Variants in MECOM observed in about 807,000 individuals in gnomAD.
MECOM encodes the protein histone-lysine N-methyltransferase MECOM.
In MECOM, 13 loss-of-function variants were observed where a neutral mutation model predicts 116.3. The observed-to-expected ratio is 0.11, with a 90% CI of 0.07 to 0.18. The LOEUF is 0.18. Among genes scored for constraint, MECOM ranks in the 10% least tolerant of loss-of-function variants. The probability of loss-of-function intolerance (pLI) is 1.00; values close to 1 mark genes in which losing one functional copy is unlikely to be tolerated. For missense variants in MECOM, 1,299 were observed against 1,509.0 expected (o/e 0.86, Z 2.31); for synonymous variants, 528 against 535.2 (o/e 0.99, Z 0.19).
chr3:169,369,167 A>G (rs1429409281), intron 2 of MECOM, among the ~76,000 whole-genome samples: 1 of 151,912 alleles, frequency 6.6e-6, no homozygotes, highest in African/African-American at 2.4e-5. Context: ...GACATCTTTC[A>G]TAGAAGAAAG....
At chr3:169,307,105 G>T (rs1717860538) in intron 2 of MECOM, among the ~76,000 whole-genome samples, 1 of 152,102 alleles carries the variant, frequency 6.6e-6, no homozygotes, top group Admixed American at 6.5e-5. Flanking sequence ...ATATCATTGG[G>T]CATGGTTCCA....
At chr3:169,384,842 C>A (rs1412897380) in intron 1 of MECOM, among the ~76,000 whole-genome samples, 1 of 152,084 alleles carries the variant, frequency 6.6e-6, no homozygotes, top group Admixed American at 6.5e-5. Flanking sequence ...GTGGCTCCAG[C>A]CTGTAACCCT....
Position 169,093,116 on chromosome 3 carries a change from A to G in MECOM, c.3020-14T>C, listed in dbSNP as rs375983675. 20 of 1,574,142 alleles carry G rather than the reference A, an allele frequency of 1.3e-5. No homozygotes were observed. The highest frequency in any genetic ancestry group is 1.4e-5 in the African/African-American group (1 of 72,660). ...ATGTTGCTGTACCTGTGTGGAGCAGAAAGCCTTTTATGACAAAGATTATTG... is the reference window on the plus strand; with the variant it reads ...ATGTTGCTGTACCTGTGTGGAGCAGGAAGCCTTTTATGACAAAGATTATTG... On this transcript the variant is annotated splice_polypyrimidine_tract_variant and intron_variant, in intron 13 of 16. Transcript: ENST00000651503.
intron 1 of MECOM, among the ~76,000 whole-genome samples, chr3:169,631,741 C>T (rs955081928): frequency 6.6e-6 from 1 of 151,110 alleles, no homozygotes; most frequent in African/African-American, 2.4e-5. Context: ...GATAGTTTAC[C>T]GAGAATGATG....
intron 1 of MECOM, among the ~76,000 whole-genome samples, chr3:169,457,473 G>A (rs1454484018): frequency 6.6e-6 from 1 of 152,188 alleles, no homozygotes; most frequent in Non-Finnish European, 1.5e-5. Context: ...TATAGGGGAA[G>A]AGAGGACAGT....
At chr3:169,288,636 A>G (rs1713854925) in intron 2 of MECOM, among the ~76,000 whole-genome samples, 1 of 152,086 alleles carries the variant, frequency 6.6e-6, no homozygotes, top group Non-Finnish European at 1.5e-5. Context: ...AGGCATCTGA[A>G]GTGGTATTCT....
chr3:169,102,241 C>T lies in MECOM; in HGVS notation c.2605-15G>A. 6.2e-7 allele frequency: 1 copy of T among 1,606,628 alleles called. No individual in the cohort carries two copies. The highest frequency in any genetic ancestry group is 1.1e-5 in the South Asian group (1 of 90,048). On this transcript the variant is annotated splice_polypyrimidine_tract_variant and intron_variant, in intron 10 of 16. Transcript: ENST00000651503. ...ATAGCTGACATCTGAAAGGTAAAAGCACAAGACCATGAAGCGTTTGGCATC... is the reference window on the plus strand; with the variant it reads ...ATAGCTGACATCTGAAAGGTAAAAGTACAAGACCATGAAGCGTTTGGCATC...
At chr3:169,316,833 A>T (rs1026818526) in intron 2 of MECOM, among the ~76,000 whole-genome samples, 4 of 152,224 alleles carry the variant, frequency 2.6e-5, no homozygotes, top group Non-Finnish European at 4.4e-5. Context: ...GATTATAGGC[A>T]TGAGCCACTG....
chr3:169,348,067 T>C (rs1358956837), intron 2 of MECOM, among the ~76,000 whole-genome samples: 1 of 152,016 alleles, frequency 6.6e-6, no homozygotes, highest in Non-Finnish European at 1.5e-5. Context: ...AGCAAGACAC[T>C]GAGCCTTAAA....
chr3:169,538,320 A>G (rs976456297), intron 1 of MECOM, among the ~76,000 whole-genome samples: 2 of 152,148 alleles, frequency 1.3e-5, no homozygotes, highest in African/African-American at 4.8e-5. Flanking sequence ...CCCAAGGTAT[A>G]CTTTTTTTGT....
At chr3:169,464,461 T>A (rs1747956529) in intron 1 of MECOM, among the ~76,000 whole-genome samples, 1 of 152,058 alleles carries the variant, frequency 6.6e-6, no homozygotes, top group Non-Finnish European at 1.5e-5. Flanking sequence ...GCCGTGTAGA[T>A]CTCACACCCT....
At chr3:169,365,520 C>A (rs1016962749) in intron 2 of MECOM, among the ~76,000 whole-genome samples, 1 of 152,026 alleles carries the variant, frequency 6.6e-6, no homozygotes, top group Non-Finnish European at 1.5e-5. Flanking sequence ...CTCTTTGGAA[C>A]AAATGCTTCT....
At chr3:169,168,355 T>C (rs1296998859) in intron 2 of MECOM, among the ~76,000 whole-genome samples, 1 of 150,000 alleles carries the variant, frequency 6.7e-6, no homozygotes, top group Non-Finnish European at 1.5e-5. Flanking sequence ...TTTTTTTTTT[T>C]GGTTCCATTT....
In MECOM at chr3:169,651,015, T is replaced by C. The variant is rs568915883; in HGVS notation, c.37+12321A>G. On this transcript the variant is annotated intron_variant, in intron 1 of 16. Coordinates refer to ENST00000651503, the MANE Select transcript of MECOM (RefSeq NM_004991.4). ...CCCTTTATTTCTTTCTCTTGTCTGA[T>C]TGCTCTGACTAGGACTTCCAGTACT... 5.9e-5 allele frequency among the ~76,000 whole-genome samples: 9 copies of C among 152,352 alleles called. 1 individual carries two copies. In the South Asian group the frequency reaches 1.9e-3, roughly 32 times the overall value.
chr3:169,218,881 C>T (rs563952118), intron 2 of MECOM, among the ~76,000 whole-genome samples: 34 of 151,994 alleles, frequency 2.2e-4, no homozygotes, highest in Non-Finnish European at 4.3e-4. Flanking sequence ...TGGATTTGGG[C>T]GTGCAAATGT....
intron 2 of MECOM, among the ~76,000 whole-genome samples, chr3:169,287,443 T>G (rs567507662): frequency 3.3e-5 from 5 of 152,338 alleles, no homozygotes; most frequent in Non-Finnish European, 5.9e-5. Flanking sequence ...TATTTTATAT[T>G]TGAATTCAAA....
intron 1 of MECOM, among the ~76,000 whole-genome samples, chr3:169,562,004 G>A (rs985398194): frequency 5.9e-5 from 9 of 151,688 alleles, no homozygotes; most frequent in African/African-American, 1.9e-4. Context: ...AAATTAGCCC[G>A]GCATGGTGGT....
At chr3:169,101,970 T>A in intron 11 of MECOM, 90 bp downstream of exon 11, 1 of 1,271,890 alleles carries the variant, frequency 7.9e-7, no homozygotes, top group Non-Finnish European at 1.1e-6. Flanking sequence ...AATCATCTAA[T>A]CAGGAATAAT....
chr3:169,284,049 C>G (rs147618217), intron 2 of MECOM, among the ~76,000 whole-genome samples: 1 of 152,150 alleles, frequency 6.6e-6, no homozygotes. Flanking sequence ...GTGTCCCATT[C>G]GAAATAGTTC....
Sources: allele counts gnomAD v4.1 joint callset (sites outside exome capture counted in the v4.1 genomes callset), GRCh38; gene constraint gnomAD v4.1.1; transcripts MANE v1.5; gene names NCBI Gene and HGNC (gene_info 2026-07-23, HGNC 2026-07-21).